SFMBT2: variants seen among roughly 807,000 people sequenced by gnomAD.
SFMBT2 encodes Scm like with four mbt domains 2, also known as scm-like with four MBT domains protein 2.
In SFMBT2, 38 loss-of-function variants were observed where a neutral mutation model predicts 110.1. The ratio of observed to expected loss-of-function variants is 0.35; its 90% CI spans 0.27 to 0.45. The LOEUF is 0.45. Ranked by LOEUF, SFMBT2 falls within the 20% of genes least tolerant of loss-of-function variation. The pLI, the probability that SFMBT2 is intolerant of heterozygous loss-of-function variation, is 1.00. For synonymous variants in SFMBT2, 425 were observed against 425.4 expected, an observed-to-expected ratio of 1.00 and a Z score of 0.01; for missense variants, 1,011 against 1,094.9, an observed-to-expected ratio of 0.92 and a Z score of 1.08.
chr10:7,172,580 G>A lies in SFMBT2; in HGVS notation c.2066C>T (p.Ala689Val), dbSNP rs1837919240. ...SNPDSGHPKP[A>V]RRRKRRKSIF... ...GGATTTCCGTCGCTTCCTCCGCCTG[G>A]CGGGTTTGGGGTGTCCGCTGTCGGG... Residue 689 changes from alanine (A) to valine (V), a missense_variant, in exon 18 of 21, where the codon GCC (alanine) becomes GTC (valine). Physicochemically the swap from Ala to Val is moderately conservative, Grantham distance 64 (BLOSUM62 0). This residue lies in a region of SFMBT2 where 979 missense variants were observed against 1,016.1 expected (regional missense o/e 0.96). Coordinates refer to ENST00000397167, the MANE Select transcript of SFMBT2 (RefSeq NM_001387889.1). This position sits in a 1 kb window ranked among gnomAD's most constrained non-coding sequence, Gnocchi z 4.6. 2 of 1,614,106 alleles carry A rather than the reference G, an allele frequency of 1.2e-6. No individual in the cohort carries two copies. Among genetic ancestry groups the A allele is most frequent in the Non-Finnish European group, 1.7e-6 (2 of 1,180,046 alleles).
intron 4 of SFMBT2, among the ~76,000 whole-genome samples, chr10:7,366,761 TC>T (rs1208528716): frequency 5.3e-5 from 8 of 152,242 alleles, no homozygotes; most frequent in African/African-American, 9.6e-5. Flanking sequence ...CCCATTCTTT[TC>T]CAGCAGGCTT....
At position 7,243,677 on chromosome 10, in the gene SFMBT2, G is replaced by C; in HGVS notation, c.1001C>G (p.Thr334Ser). 1 of 872,332 alleles carries C rather than the reference G, an allele frequency of 1.1e-6. No homozygotes were observed. The allele number at this position is 872,332 out of a possible 1,614,324, so 54.0% of individuals were successfully genotyped here. A position where few individuals can be genotyped will look rare whatever the true frequency, so the allele number is the denominator to read the frequency against. ...KVFNNHFFQV[T>S]IDDLRPEPSK... Reference sequence around the variant, plus strand: ...TGGTTCAGGTCTTAGGTCATCAATAGTCACTTGAAAAAAGTGATTGTTAAA... The same window carrying C: ...TGGTTCAGGTCTTAGGTCATCAATACTCACTTGAAAAAAGTGATTGTTAAA... Residue 334 changes from threonine to serine, a missense_variant, in exon 9 of 21, where the codon ACT (threonine) becomes AGT (serine). By Grantham distance (58) the Thr-to-Ser change is moderately conservative (BLOSUM62 1). Transcript: ENST00000397167.
At chr10:7,231,940 T>A (rs1840118600) in intron 9 of SFMBT2, among the ~76,000 whole-genome samples, 1 of 152,156 alleles carries the variant, frequency 6.6e-6, no homozygotes, top group South Asian at 2.1e-4. Context: ...ATTATACTCA[T>A]TAATCAACAA....
In SFMBT2 at chr10:7,350,015, C is replaced by T. The variant is rs115752698; in HGVS notation, c.436+17634G>A. Among the ~76,000 whole-genome samples the T allele has an allele frequency of 4.9e-3, 751 of 152,262 alleles. 9 individuals carry two copies. Among genetic ancestry groups the T allele is most frequent in the African/African-American group, 0.017 (720 of 41,528 alleles). On this transcript the variant is annotated intron_variant, in intron 4 of 20. Transcript: ENST00000397167. The stretch of plus-strand genomic sequence containing the variant: ...ACATTAAAGAAGCCACTCAGACCCA[C>T]ACACCAGCTCCCTCTCCAAGCTTGC...
chr10:7,334,764 C>G (rs545273748), intron 4 of SFMBT2, among the ~76,000 whole-genome samples: 1 of 152,212 alleles, frequency 6.6e-6, no homozygotes, highest in African/African-American at 2.4e-5. Flanking sequence ...AATTGTAACT[C>G]GAGTGCTTTG....
chr10:7,239,302 T>C (rs1404094122), intron 9 of SFMBT2, among the ~76,000 whole-genome samples: 1 of 152,202 alleles, frequency 6.6e-6, no homozygotes, highest in African/African-American at 2.4e-5. Context: ...TGAAATCACT[T>C]GGCAATATGT....
rs529567349 is a variant in SFMBT2 at position 7,188,155 on chromosome 10, T to G, written c.1808+469A>C. On this transcript the variant is annotated intron_variant, in intron 16 of 20. Transcript: ENST00000397167. The stretch of plus-strand genomic sequence containing the variant: ...CGCCAACCCAGATTTTGCTGCCATT[T>G]ACTTAACCCAGACCAAACATGCACG... Among the ~76,000 whole-genome samples the G allele has an allele frequency of 1.2e-4, 19 of 152,224 alleles. 1 individual carries two copies. Among genetic ancestry groups the G allele is most frequent in the Non-Finnish European group, 2.5e-4 (17 of 68,046 alleles).
chr10:7,251,845 T>C (rs1840821970), intron 7 of SFMBT2, among the ~76,000 whole-genome samples: 1 of 152,088 alleles, frequency 6.6e-6, no homozygotes, highest in Non-Finnish European at 1.5e-5. Context: ...GGTGAGGCAT[T>C]CCTGAGGTCT....
intron 7 of SFMBT2, among the ~76,000 whole-genome samples, chr10:7,251,261 G>C (rs915498637): frequency 6.6e-5 from 10 of 151,844 alleles, no homozygotes; most frequent in Non-Finnish European, 1.5e-4. Flanking sequence ...AGATCACGAG[G>C]TCAGGAGTTC....
At chr10:7,368,836 T>A (rs1043932229) in intron 3 of SFMBT2, among the ~76,000 whole-genome samples, 1 of 152,260 alleles carries the variant, frequency 6.6e-6, no homozygotes, top group Non-Finnish European at 1.5e-5. Context: ...AAAGCTTTGC[T>A]ATGTTTTAAT....
intron 7 of SFMBT2, among the ~76,000 whole-genome samples, chr10:7,272,959 A>AT (rs1440618562): frequency 6.6e-6 from 1 of 152,022 alleles, no homozygotes; most frequent in Non-Finnish European, 1.5e-5. Context: ...TGCCCGGCTA[A>AT]TTTTTTTGTA....
At chr10:7,318,843 T>C (rs932695115) in intron 4 of SFMBT2, among the ~76,000 whole-genome samples, 4 of 152,240 alleles carry the variant, frequency 2.6e-5, no homozygotes, top group Non-Finnish European at 5.9e-5. Context: ...TGTACACAAT[T>C]CCTCAAATCC....
At chr10:7,222,902 C>T (rs1260379131) in intron 10 of SFMBT2, among the ~76,000 whole-genome samples, 1 of 152,138 alleles carries the variant, frequency 6.6e-6, no homozygotes, top group Non-Finnish European at 1.5e-5. Context: ...GAACTCCTGA[C>T]ATCTTGGCCT....
intron 4 of SFMBT2, among the ~76,000 whole-genome samples, chr10:7,295,616 G>A (rs543832465): frequency 1.3e-5 from 2 of 152,302 alleles, no homozygotes; most frequent in Admixed American, 6.5e-5. Flanking sequence ...CAAATGTACT[G>A]CCATTTCTTT....
At chr10:7,282,525 A>G (rs188706457) in intron 6 of SFMBT2, among the ~76,000 whole-genome samples, 30 of 152,344 alleles carry the variant, frequency 2.0e-4, no homozygotes, top group African/African-American at 7.0e-4. Flanking sequence ...ATCCTTCTTC[A>G]CAACACGACA....
chr10:7,262,673 C>G (rs1170631000), intron 7 of SFMBT2, among the ~76,000 whole-genome samples: 6 of 152,344 alleles, frequency 3.9e-5, no homozygotes, highest in Middle Eastern at 3.4e-3. Context: ...GGACTGCAGA[C>G]AGCGGAGCTC....
intron 4 of SFMBT2, chr10:7,329,509 G>A: frequency 2.0e-6 from 2 of 985,488 alleles, no homozygotes; most frequent in Non-Finnish European, 2.4e-6. Context: ...GAGGGAGAGA[G>A]GAGGTGCTGC....
In SFMBT2 at chr10:7,184,299, T is replaced by A. The variant is rs369464557; in HGVS notation, c.1808+4325A>T. 8.5e-5 allele frequency among the ~76,000 whole-genome samples: 13 copies of A among 152,268 alleles called. No homozygotes were observed. The East Asian group carries it at 2.3e-3, about 27-fold the overall frequency. On this transcript the variant is annotated intron_variant, in intron 16 of 20. Coordinates refer to ENST00000397167, the MANE Select transcript of SFMBT2 (RefSeq NM_001387889.1). The stretch of plus-strand genomic sequence containing the variant: ...GGGAGGTAACTGAATCATGGGGCAG[T>A]TTCCCCCATACTTTTCCTGTGGTAG...
intron 2 of SFMBT2, among the ~76,000 whole-genome samples, chr10:7,373,574 G>A (rs1012009023): frequency 1.3e-5 from 2 of 152,062 alleles, no homozygotes; most frequent in Non-Finnish European, 2.9e-5. Flanking sequence ...TCCAAAGCTG[G>A]AGCTCTTATG....
Sources: gnomAD v4.1 joint callset for allele counts (sites outside exome capture counted in the v4.1 genomes callset) on GRCh38, gnomAD v4.1.1 for gene constraint, gnomAD v4.1.1 regional missense constraint, Gnocchi (gnomAD v3.1) non-coding constraint, MANE v1.5 for transcripts, NCBI Gene and HGNC (gene_info 2026-07-23, HGNC 2026-07-21) for gene names.